The following GRID1 variants were observed in gnomAD, a reference collection of about 807,000 sequenced individuals.
The protein encoded by GRID1 is glutamate receptor ionotropic, delta-1.
Under a neutral mutation model 98.0 loss-of-function variants are expected in GRID1, and 28 were observed. The ratio of observed to expected loss-of-function variants is 0.29; its 90% CI spans 0.21 to 0.39. GRID1 has a LOEUF of 0.39. Among genes scored for constraint, GRID1 ranks in the 10% least tolerant of loss-of-function variants. GRID1 has a pLI of 1.00. For synonymous variants in GRID1, 553 were observed against 538.5 expected, an observed-to-expected ratio of 1.03 and a Z score of -0.37; for missense variants, 1,111 against 1,340.5, an observed-to-expected ratio of 0.83 and a Z score of 2.67.
At chr10:86,123,642 G>A (rs188669691) in intron 4 of GRID1, among the ~76,000 whole-genome samples, 70 of 152,332 alleles carry the variant, frequency 4.6e-4, no homozygotes, top group Admixed American at 4.6e-3. Context: ...GGTTTGTGTG[G>A]TTGGGGTTTG....
At chr10:86,094,200 T>C (rs1014469209) in intron 4 of GRID1, among the ~76,000 whole-genome samples, 1 of 152,138 alleles carries the variant, frequency 6.6e-6, no homozygotes, top group African/African-American at 2.4e-5. Context: ...CATACCTTAA[T>C]GTAATAAAAG....
chr10:85,647,559 G>C (rs1843211622), intron 12 of GRID1, 162 bp from the exon 13 acceptor site: 1 of 625,978 alleles, frequency 1.6e-6, no homozygotes, highest in African/African-American at 1.8e-5. Context: ...TCAGCCCAGA[G>C]TGGGACTTGC....
At chr10:86,284,862 A>C (rs1472257425) in intron 2 of GRID1, among the ~76,000 whole-genome samples, 1 of 152,178 alleles carries the variant, frequency 6.6e-6, no homozygotes, top group Non-Finnish European at 1.5e-5. Context: ...TAGGGGAAGA[A>C]AATTGGGCTG....
At chr10:86,164,520 C>T (rs1031831911) in intron 3 of GRID1, among the ~76,000 whole-genome samples, 1 of 152,196 alleles carries the variant, frequency 6.6e-6, no homozygotes, top group Non-Finnish European at 1.5e-5. Context: ...CAGTCCCTGC[C>T]CTCACCCAGC....
chr10:85,705,129 C>T (rs537723834), intron 12 of GRID1, among the ~76,000 whole-genome samples: 4 of 152,192 alleles, frequency 2.6e-5, no homozygotes, highest in African/African-American at 4.8e-5. Context: ...CAGAGCAGAA[C>T]TGAAGGAAAT....
intron 5 of GRID1, among the ~76,000 whole-genome samples, chr10:85,898,833 C>T (rs1841334251): frequency 6.6e-6 from 1 of 152,066 alleles, no homozygotes; most frequent in Admixed American, 6.5e-5. Context: ...AGAAGAGGTA[C>T]ACTCTAAAAT....
chr10:85,730,142 G>A (rs778120095), intron 8 of GRID1, among the ~76,000 whole-genome samples: 1 of 152,210 alleles, frequency 6.6e-6, no homozygotes, highest in South Asian at 2.1e-4. Context: ...TCACTGTGGT[G>A]CCAGCTCCCT....
intron 3 of GRID1, among the ~76,000 whole-genome samples, chr10:86,143,360 A>G (rs1294978003): frequency 6.6e-6 from 1 of 152,052 alleles, no homozygotes; most frequent in Non-Finnish European, 1.5e-5. Flanking sequence ...CCTTCAAGAA[A>G]CCAAATTTGT....
At position 85,758,342 on chromosome 10, in the gene GRID1, TGCCATCA is replaced by T. The variant is rs1365387949; in HGVS notation, c.1234-28735_1234-28729del. Among the ~76,000 whole-genome samples the T allele has an allele frequency of 1.1e-4, 17 of 152,322 alleles. No homozygotes were observed. In the East Asian group the frequency reaches 3.3e-3, roughly 29 times the overall value. ...GACAACAGCTCATCTCTGCTCCATG[TGCCATCA>T]GCCAGGGAAAACCACTAGGGGTGGG... On this transcript the variant is annotated intron_variant, in intron 8 of 15. Transcript: ENST00000327946.
rs73338592 is a variant in GRID1 at position 85,856,436 on chromosome 10, G to A, written c.952-246C>T. Among the ~76,000 whole-genome samples, 843 of 152,302 alleles carry A rather than the reference G, an allele frequency of 5.5e-3. 6 individuals are homozygous for A. The highest frequency in any genetic ancestry group is 0.019 in the African/African-American group (795 of 41,560). The stretch of plus-strand genomic sequence containing the variant: ...GGATGTGCATGTGTACATCAACAAG[G>A]AGAACCCTTATCTGTAGCTGATTGA... On this transcript the variant is annotated intron_variant, in intron 6 of 15. Transcript: ENST00000327946.
At chr10:86,273,494 T>C (rs924040715) in intron 2 of GRID1, among the ~76,000 whole-genome samples, 2 of 151,334 alleles carry the variant, frequency 1.3e-5, no homozygotes, top group South Asian at 2.1e-4. Flanking sequence ...CCACACTGAC[T>C]TCCACAATGG....
At chr10:85,655,989 A>C (rs79573918) in intron 12 of GRID1, among the ~76,000 whole-genome samples, 3 of 136,082 alleles carry the variant, frequency 2.2e-5, no homozygotes, top group East Asian at 4.0e-4. Flanking sequence ...CTCTCTCTCA[A>C]AAAAAAAAAA....
intron 4 of GRID1, among the ~76,000 whole-genome samples, chr10:86,067,220 A>G (rs553433292): frequency 6.6e-6 from 1 of 152,378 alleles, no homozygotes; most frequent in Admixed American, 6.5e-5. Context: ...AATGCTGATT[A>G]GAGGCGGCTC....
chr10:86,062,279 G>GAC (rs1197034485), intron 4 of GRID1, among the ~76,000 whole-genome samples: 1 of 151,962 alleles, frequency 6.6e-6, no homozygotes, highest in East Asian at 1.9e-4. Context: ...CACACACACA[G>GAC]ACACACACAC....
chr10:85,753,020 C>T (rs1408639651), intron 8 of GRID1, among the ~76,000 whole-genome samples: 2 of 152,076 alleles, frequency 1.3e-5, no homozygotes, highest in Non-Finnish European at 2.9e-5. Flanking sequence ...TCATGTCCCA[C>T]ACTTCAGTGC....
At chr10:85,911,380 G>A (rs1443968798) in intron 5 of GRID1, among the ~76,000 whole-genome samples, 3 of 152,142 alleles carry the variant, frequency 2.0e-5, no homozygotes, top group African/African-American at 7.2e-5. Context: ...TGGATCTCTG[G>A]ATCTGGAGCT....
At chr10:86,338,770 C>G (rs1480405072) in intron 2 of GRID1, among the ~76,000 whole-genome samples, 2 of 152,144 alleles carry the variant, frequency 1.3e-5, no homozygotes, top group African/African-American at 4.8e-5. Flanking sequence ...GTTGGTCAGG[C>G]TGATCTTGAA....
chr10:86,166,983 A>C (rs1845408028), intron 3 of GRID1, among the ~76,000 whole-genome samples: 1 of 152,224 alleles, frequency 6.6e-6, no homozygotes. Flanking sequence ...GCAGCAAGGA[A>C]TCTGGGGCCT....
intron 4 of GRID1, among the ~76,000 whole-genome samples, chr10:86,042,496 G>A (rs1182569769): frequency 6.6e-6 from 1 of 152,174 alleles, no homozygotes; most frequent in Non-Finnish European, 1.5e-5. Context: ...GGGAGAGCAG[G>A]GGCTCTGTGG....
Sources: gnomAD v4.1 joint callset for allele counts (sites outside exome capture counted in the v4.1 genomes callset) on GRCh38, gnomAD v4.1.1 for gene constraint, MANE v1.5 for transcripts, NCBI Gene and HGNC (gene_info 2026-07-23, HGNC 2026-07-21) for gene names.